The following SORCS3 variants were observed in gnomAD, a reference collection of about 807,000 sequenced individuals.
SORCS3 encodes the protein sortilin related VPS10 domain containing receptor 3.
In SORCS3, 57 loss-of-function variants were observed where a neutral mutation model predicts 146.3. The observed-to-expected ratio is 0.39, with a 90% CI of 0.31 to 0.49. The LOEUF (loss-of-function observed/expected upper bound fraction) is 0.49, where lower values mean the gene tolerates loss of function less well. Ranked by LOEUF, SORCS3 falls within the 20% of genes least tolerant of loss-of-function variation. The pLI, the probability that SORCS3 is intolerant of heterozygous loss-of-function variation, is 0.92. For synonymous variants in SORCS3, 653 were observed against 618.5 expected, an observed-to-expected ratio of 1.06 and a Z score of -0.83; for missense variants, 1,341 against 1,575.5, an observed-to-expected ratio of 0.85 and a Z score of 2.52.
intron 5 of SORCS3, among the ~76,000 whole-genome samples, chr10:105,063,915 G>A (rs2055504707): frequency 6.6e-6 from 1 of 152,232 alleles, no homozygotes; most frequent in Admixed American, 6.5e-5. Flanking sequence ...TATGCAGCCA[G>A]TCGCAGCTCT....
At chr10:104,893,831 T>C (rs755316365) in intron 2 of SORCS3, among the ~76,000 whole-genome samples, 13 of 152,302 alleles carry the variant, frequency 8.5e-5, no homozygotes, top group Non-Finnish European at 1.5e-4. Flanking sequence ...AGCTTTCTGC[T>C]CTTCCGAGAC....
At chr10:104,930,645 G>A (rs1259638918) in intron 3 of SORCS3, among the ~76,000 whole-genome samples, 1 of 152,214 alleles carries the variant, frequency 6.6e-6, no homozygotes, top group African/African-American at 2.4e-5. Context: ...ATTCATAAGA[G>A]TAAGCATCAG....
At chr10:105,073,246 G>C (rs1466351601) in intron 5 of SORCS3, among the ~76,000 whole-genome samples, 1 of 152,208 alleles carries the variant, frequency 6.6e-6, no homozygotes, top group Admixed American at 6.5e-5. Context: ...GACTGGGCTT[G>C]TGACATGAGC....
At chr10:104,938,306 A>C (rs1053421997) in intron 3 of SORCS3, among the ~76,000 whole-genome samples, 5 of 152,114 alleles carry the variant, frequency 3.3e-5, no homozygotes, top group African/African-American at 1.2e-4. Flanking sequence ...GGGAAGTGTT[A>C]TGTGACAGAA....
chr10:105,029,677 A>G (rs559407194), intron 4 of SORCS3, among the ~76,000 whole-genome samples: 1 of 152,310 alleles, frequency 6.6e-6, no homozygotes, highest in East Asian at 1.9e-4. Flanking sequence ...CTTAAGGCCA[A>G]GGTACTCTTC....
intron 1 of SORCS3, among the ~76,000 whole-genome samples, chr10:104,821,110 T>A (rs1486125302): frequency 6.6e-6 from 1 of 152,226 alleles, no homozygotes; most frequent in East Asian, 1.9e-4. Context: ...TTGTGCATTC[T>A]TGGCTGCATC....
intron 2 of SORCS3, among the ~76,000 whole-genome samples, chr10:104,911,385 C>G (rs1195590636): frequency 2.0e-5 from 3 of 152,240 alleles, no homozygotes; most frequent in African/African-American, 7.2e-5. Context: ...TGGGCAGTCC[C>G]TCTTTTCAGC....
At chr10:104,765,525 A>T (rs2017169344) in intron 1 of SORCS3, among the ~76,000 whole-genome samples, 1 of 152,192 alleles carries the variant, frequency 6.6e-6, no homozygotes, top group Non-Finnish European at 1.5e-5. Flanking sequence ...AGTGGCTGGT[A>T]CACAGCAGGT....
chr10:105,240,337 T>C (rs1292883483), intron 20 of SORCS3, among the ~76,000 whole-genome samples: 1 of 152,172 alleles, frequency 6.6e-6, no homozygotes, highest in Non-Finnish European at 1.5e-5. Flanking sequence ...GAAGATTCTC[T>C]AAAGAGAAAA....
intron 1 of SORCS3, among the ~76,000 whole-genome samples, chr10:104,706,174 TTTTG>T (rs1473601970): frequency 4.0e-5 from 6 of 151,394 alleles, no homozygotes; most frequent in East Asian, 3.9e-4. Flanking sequence ...CTAGAGTTTC[TTTTG>T]TTTGTTTGTT....
intron 1 of SORCS3, among the ~76,000 whole-genome samples, chr10:104,718,124 C>G (rs193272262): frequency 2.6e-5 from 4 of 151,734 alleles, no homozygotes; most frequent in Admixed American, 2.6e-4. Flanking sequence ...CCAGCCTGAG[C>G]GACAGAGTGA....
intron 5 of SORCS3, among the ~76,000 whole-genome samples, chr10:105,065,633 C>T (rs1338892757): frequency 2.0e-5 from 3 of 152,062 alleles, no homozygotes; most frequent in Non-Finnish European, 2.9e-5. Context: ...TGTTCTTAGC[C>T]TGGGTCTAGA....
intron 2 of SORCS3, among the ~76,000 whole-genome samples, chr10:104,906,940 A>G (rs2018910721): frequency 6.6e-6 from 1 of 152,164 alleles, no homozygotes; most frequent in Admixed American, 6.5e-5. Flanking sequence ...TTCTATTAGT[A>G]GTTTTATATA....
chr10:104,931,081 G>C (rs1284218832), intron 3 of SORCS3, among the ~76,000 whole-genome samples: 3 of 152,172 alleles, frequency 2.0e-5, no homozygotes, highest in Admixed American at 2.0e-4. Flanking sequence ...CAGGCATCTG[G>C]TGAGCCTTTG....
chr10:104,711,379 T>C (rs996067635), intron 1 of SORCS3, among the ~76,000 whole-genome samples: 2 of 152,152 alleles, frequency 1.3e-5, no homozygotes, highest in African/African-American at 4.8e-5. Context: ...CTTAGTGCTT[T>C]TAAGTGGTGA....
rs916856848 is a variant in SORCS3, at chr10:105,106,846, C to T, written c.1212+1331C>T. Among the ~76,000 whole-genome samples the T allele has an allele frequency of 2.0e-5, 3 of 152,182 alleles. No homozygotes were observed. The South Asian group carries it at 6.2e-4, about 31-fold the overall frequency. The stretch of plus-strand genomic sequence containing the variant: ...TTGGCAGGCCAACGGCACTCTCATT[C>T]TCTTATTCGTAAGTGTTTGTTTATT... On this transcript the variant is annotated intron_variant, in intron 7 of 26. Transcript: ENST00000369701.
intron 1 of SORCS3, among the ~76,000 whole-genome samples, chr10:104,830,128 C>A (rs2017984197): frequency 6.6e-6 from 1 of 152,120 alleles, no homozygotes; most frequent in Non-Finnish European, 1.5e-5. Context: ...GTTCATCTCC[C>A]ACTTATGAGT....
At chr10:104,688,384 C>T (rs2016073384) in intron 1 of SORCS3, among the ~76,000 whole-genome samples, 1 of 152,220 alleles carries the variant, frequency 6.6e-6, no homozygotes, top group South Asian at 2.1e-4. Flanking sequence ...GGGGACCCAG[C>T]CGTGGTGCAG....
chr10:105,058,548 G>A (rs1564744441), intron 5 of SORCS3, among the ~76,000 whole-genome samples: 1 of 152,266 alleles, frequency 6.6e-6, no homozygotes, highest in Non-Finnish European at 1.5e-5. Context: ...GATTTGTTAG[G>A]ATTTTTCCAG....
Sources: allele counts gnomAD v4.1 joint callset (sites outside exome capture counted in the v4.1 genomes callset), GRCh38; gene constraint gnomAD v4.1.1; transcripts MANE v1.5; gene names NCBI Gene and HGNC (gene_info 2026-07-23, HGNC 2026-07-21).